Variants in MYO1D observed in about 807,000 individuals in gnomAD.
MYO1D encodes unconventional myosin-Id.
Under a neutral mutation model 122.0 loss-of-function variants are expected in MYO1D, and 83 were observed. The ratio of observed to expected loss-of-function variants is 0.68; its 90% CI spans 0.57 to 0.82. The LOEUF is 0.82. Among genes scored for constraint, MYO1D ranks in the 40% least tolerant of loss-of-function variants. MYO1D has a pLI of 0.00. For missense variants in MYO1D, 1,157 were observed against 1,269.5 expected, an observed-to-expected ratio of 0.91 and a Z score of 1.35; for synonymous variants, 464 against 446.9, an observed-to-expected ratio of 1.04 and a Z score of -0.48.
At chr17:32,764,651 A>G (rs115799440) in intron 8 of MYO1D, among the ~76,000 whole-genome samples, 2,262 of 152,314 alleles carry the variant, frequency 0.015, 47 homozygotes, top group African/African-American at 0.049. Flanking sequence ...TGAAGCCCTC[A>G]TGAGCGCCAC....
At chr17:32,791,703 T>C (rs960979866) in intron 1 of MYO1D, among the ~76,000 whole-genome samples, 5 of 152,184 alleles carry the variant, frequency 3.3e-5, no homozygotes, top group African/African-American at 1.2e-4. Flanking sequence ...CTACCTTTTT[T>C]GTAAATTTGA....
At chr17:32,866,943 A>AT (rs2091130672) in intron 1 of MYO1D, among the ~76,000 whole-genome samples, 1 of 152,132 alleles carries the variant, frequency 6.6e-6, no homozygotes. Context: ...TCCCAATGCC[A>AT]TTTTTTCTTT....
At chr17:32,510,531 T>A (rs969215092) in intron 21 of MYO1D, 3 of 152,268 alleles carry the variant, frequency 2.0e-5, no homozygotes, top group African/African-American at 7.2e-5. Context: ...TTTTTTACTA[T>A]TCTCCAGCAC....
intron 21 of MYO1D, among the ~76,000 whole-genome samples, chr17:32,581,103 C>A (rs964992951): frequency 1.3e-5 from 2 of 152,164 alleles, no homozygotes; most frequent in Non-Finnish European, 2.9e-5. Flanking sequence ...AAGGTTTTAA[C>A]TATGAATTAA....
intron 21 of MYO1D, among the ~76,000 whole-genome samples, chr17:32,581,058 G>T (rs144418556): frequency 6.6e-6 from 1 of 152,228 alleles, no homozygotes; most frequent in African/African-American, 2.4e-5. Context: ...GAACTCCCCA[G>T]TAAAGGCATC....
chr17:32,818,968 TCTTC>T (rs760223195), intron 1 of MYO1D, among the ~76,000 whole-genome samples: 2 of 152,222 alleles, frequency 1.3e-5, no homozygotes, highest in Non-Finnish European at 2.9e-5. Context: ...TGACGTTACT[TCTTC>T]CTTGCTTTTT....
intron 16 of MYO1D, 142 bp downstream of exon 16, chr17:32,711,846 G>A: frequency 1.5e-6 from 1 of 683,156 alleles, no homozygotes; most frequent in Non-Finnish European, 2.3e-6. Flanking sequence ...ATGTGTGAAG[G>A]CAACAGAAAA....
At chr17:32,830,881 C>A (rs547427210) in intron 1 of MYO1D, among the ~76,000 whole-genome samples, 6 of 152,078 alleles carry the variant, frequency 3.9e-5, no homozygotes, top group African/African-American at 7.2e-5. Context: ...AACGGTGAAA[C>A]CCGTCTCTAC....
intron 21 of MYO1D, chr17:32,498,302 C>T (rs1418438923): frequency 2.0e-5 from 3 of 152,242 alleles, no homozygotes; most frequent in African/African-American, 7.2e-5. Context: ...CCACACTGCC[C>T]CTCCCAGGAC....
Position 32,745,322 on chromosome 17 carries a change from AC to A in MYO1D, c.1539-38del, listed in dbSNP as rs772810853. The stretch of plus-strand genomic sequence containing the variant: ...AAATCACAGAAAACATGTATCATTT[AC>A]CAAGCAAGAGCCACATTTAAGTTTT... On this transcript the variant is annotated intron_variant, in intron 12 of 21. Transcript: ENST00000318217. 39 of 1,334,356 alleles carry A rather than the reference AC, an allele frequency of 2.9e-5. No individual in the cohort carries two copies. In the African/African-American group the frequency reaches 5.3e-4, roughly 18 times the overall value. 82.7% of individuals were successfully genotyped at this position (1,334,356 alleles called of 1,614,324 possible).
At chr17:32,824,632 G>A (rs1252027219) in intron 1 of MYO1D, among the ~76,000 whole-genome samples, 1 of 152,202 alleles carries the variant, frequency 6.6e-6, no homozygotes, top group African/African-American at 2.4e-5. Context: ...CTGCATTACT[G>A]TCTGAGGTCC....
chr17:32,858,559 T>C (rs147158491), intron 1 of MYO1D, among the ~76,000 whole-genome samples: 9 of 152,342 alleles, frequency 5.9e-5, no homozygotes, highest in African/African-American at 1.9e-4. Flanking sequence ...TATGCATCTT[T>C]AGCAGGAATG....
At chr17:32,747,159 T>C (rs889575033) in intron 12 of MYO1D, among the ~76,000 whole-genome samples, 6 of 152,256 alleles carry the variant, frequency 3.9e-5, no homozygotes, top group African/African-American at 1.2e-4. Context: ...TATTATTTTA[T>C]GGTCCTAGAA....
At chr17:32,646,953 T>C (rs2088303696) in intron 19 of MYO1D, among the ~76,000 whole-genome samples, 1 of 152,218 alleles carries the variant, frequency 6.6e-6, no homozygotes, top group Non-Finnish European at 1.5e-5. Context: ...TCCACTTAAA[T>C]TCATATAGTA....
chr17:32,770,428 T>A (rs9915077), intron 6 of MYO1D, among the ~76,000 whole-genome samples: 7,051 of 152,170 alleles, frequency 0.046, 547 homozygotes, highest in African/African-American at 0.16. Flanking sequence ...CTGTGATCTA[T>A]ATCCTACCAT....
chr17:32,511,467 A>G (rs2150859499), intron 21 of MYO1D, among the ~76,000 whole-genome samples: 1 of 152,152 alleles, frequency 6.6e-6, no homozygotes, highest in African/African-American at 2.4e-5. Context: ...TTGGCCTCCC[A>G]AAGTGCTGAG....
At chr17:32,610,118 G>A (rs2087681472) in intron 20 of MYO1D, among the ~76,000 whole-genome samples, 1 of 152,110 alleles carries the variant, frequency 6.6e-6, no homozygotes, top group Admixed American at 6.5e-5. Flanking sequence ...AGGGGTTCAG[G>A]GAAAAGAGAC....
At chr17:32,757,358 A>G (rs2089959198) in intron 10 of MYO1D, among the ~76,000 whole-genome samples, 1 of 152,106 alleles carries the variant, frequency 6.6e-6, no homozygotes, top group Admixed American at 6.6e-5. Context: ...TTCTAGTCAA[A>G]ATGGGGTAGG....
chr17:32,832,462 G>T (rs2090781140), intron 1 of MYO1D, among the ~76,000 whole-genome samples: 1 of 151,942 alleles, frequency 6.6e-6, no homozygotes. Context: ...ACCACGCCCA[G>T]CTAATTTTTG....
Sources: allele counts gnomAD v4.1 joint callset (sites outside exome capture counted in the v4.1 genomes callset), GRCh38; gene constraint gnomAD v4.1.1; transcripts MANE v1.5; gene names NCBI Gene and HGNC (gene_info 2026-07-23, HGNC 2026-07-21).